Variants in RAD51B observed in about 807,000 individuals in gnomAD.
RAD51B encodes RAD51 paralog B, also known as DNA repair protein RAD51 homolog 2.
Under a neutral mutation model 42.2 loss-of-function variants are expected in RAD51B, and 38 were observed. That is an observed-to-expected ratio of 0.90 (90% CI 0.70 to 1.18). The LOEUF (loss-of-function observed/expected upper bound fraction) is 1.18. Ranked by LOEUF, RAD51B falls within the 50% of genes most tolerant of loss-of-function variation. The pLI is 0.00. For missense variants in RAD51B, 373 were observed against 400.7 expected (o/e 0.93, Z 0.59); for synonymous variants, 154 against 145.2 (o/e 1.06, Z -0.43).
intron 7 of RAD51B, among the ~76,000 whole-genome samples, chr14:67,903,242 C>T (rs897129308): frequency 1.3e-5 from 2 of 152,090 alleles, no homozygotes; most frequent in African/African-American, 4.8e-5. Context: ...TTTATTTGTA[C>T]CAGCATTTTC....
chr14:68,564,980 T>C (rs913876154), intron 10 of RAD51B, among the ~76,000 whole-genome samples: 2 of 152,220 alleles, frequency 1.3e-5, no homozygotes, highest in Non-Finnish European at 2.9e-5. Flanking sequence ...CTCCCCTCAC[T>C]GAGCCAGATT....
intron 10 of RAD51B, among the ~76,000 whole-genome samples, chr14:68,603,086 C>T (rs562935005): frequency 1.9e-4 from 29 of 152,302 alleles, no homozygotes; most frequent in Admixed American, 1.1e-3. Flanking sequence ...GCTGCCCTTA[C>T]GTGTTCCTCT....
At chr14:68,330,646 C>A (rs1380443001) in intron 8 of RAD51B, among the ~76,000 whole-genome samples, 3 of 152,070 alleles carry the variant, frequency 2.0e-5, no homozygotes, top group Admixed American at 6.6e-5. Flanking sequence ...CATAACATGC[C>A]TTTGAAGAAG....
At chr14:68,652,885 G>C (rs1892730491) in intron 11 of RAD51B, among the ~76,000 whole-genome samples, 1 of 152,198 alleles carries the variant, frequency 6.6e-6, no homozygotes, top group African/African-American at 2.4e-5. Flanking sequence ...TCTGCTTTGT[G>C]AGCATAGGGG....
chr14:68,070,595 T>C (rs2076725826), intron 7 of RAD51B, among the ~76,000 whole-genome samples: 1 of 152,136 alleles, frequency 6.6e-6, no homozygotes, highest in South Asian at 2.1e-4. Flanking sequence ...TGTAGGTGTG[T>C]GGATTTATTT....
chr14:68,081,501 G>A (rs998253666), intron 7 of RAD51B, among the ~76,000 whole-genome samples: 4 of 152,134 alleles, frequency 2.6e-5, no homozygotes, highest in Admixed American at 2.0e-4. Context: ...TTTAAGTTTG[G>A]AACCACTTAT....
chr14:68,535,525 T>C (rs908628330), intron 10 of RAD51B, among the ~76,000 whole-genome samples: 2 of 152,104 alleles, frequency 1.3e-5, no homozygotes, highest in Non-Finnish European at 2.9e-5. Flanking sequence ...ACCTAATTTC[T>C]AAGCATGTGA....
intron 7 of RAD51B, among the ~76,000 whole-genome samples, chr14:68,038,609 AT>A (rs2031926278): frequency 1.3e-5 from 2 of 152,318 alleles, no homozygotes; most frequent in Non-Finnish European, 2.9e-5. Flanking sequence ...AACACACAAA[AT>A]TTATCACATT....
At chr14:68,044,084 C>T (rs960235945) in intron 7 of RAD51B, among the ~76,000 whole-genome samples, 4 of 152,190 alleles carry the variant, frequency 2.6e-5, no homozygotes, top group African/African-American at 9.7e-5. Context: ...CTGTCAGCTT[C>T]CTATTGTTTG....
At chr14:68,578,050 C>T (rs935718860) in intron 10 of RAD51B, among the ~76,000 whole-genome samples, 16 of 152,362 alleles carry the variant, frequency 1.1e-4, no homozygotes, top group East Asian at 1.9e-4. Context: ...TTGTCGAACA[C>T]GTTGCTGCCT....
chr14:67,840,721 G>A (rs2041397296), intron 4 of RAD51B, among the ~76,000 whole-genome samples: 1 of 152,012 alleles, frequency 6.6e-6, no homozygotes, highest in African/African-American at 2.4e-5. Context: ...CCTTTGCACA[G>A]TGATTGAACT....
At chr14:68,298,513 T>C (rs1461967828) in intron 8 of RAD51B, among the ~76,000 whole-genome samples, 1 of 152,030 alleles carries the variant, frequency 6.6e-6, no homozygotes, top group East Asian at 1.9e-4. Context: ...TGTGTGGGAG[T>C]TGGGCTAGCT....
intron 9 of RAD51B, among the ~76,000 whole-genome samples, chr14:68,449,713 T>C (rs2140182354): frequency 6.6e-6 from 1 of 152,304 alleles, no homozygotes; most frequent in East Asian, 1.9e-4. Context: ...TTTGTTTTGT[T>C]TCCATTCTCT....
At chr14:68,333,851 C>A (rs1259068797) in intron 8 of RAD51B, among the ~76,000 whole-genome samples, 1 of 152,146 alleles carries the variant, frequency 6.6e-6, no homozygotes, top group Non-Finnish European at 1.5e-5. Context: ...AGACACCTTG[C>A]TCTTTCATAG....
At chr14:68,507,138 T>C (rs1361716904) in intron 10 of RAD51B, among the ~76,000 whole-genome samples, 1 of 152,126 alleles carries the variant, frequency 6.6e-6, no homozygotes, top group Admixed American at 6.5e-5. Context: ...ATGAAATCAA[T>C]TTTCAATATT....
chr14:68,472,586 T>C (rs1195707039), intron 10 of RAD51B, among the ~76,000 whole-genome samples: 4 of 152,228 alleles, frequency 2.6e-5, no homozygotes, highest in African/African-American at 9.6e-5. Flanking sequence ...GGACAGAAGA[T>C]AGTGGCTTAG....
intron 11 of RAD51B, among the ~76,000 whole-genome samples, chr14:68,658,544 C>T (rs554874893): frequency 1.0e-3 from 158 of 152,292 alleles, no homozygotes; most frequent in Middle Eastern, 6.8e-3. Flanking sequence ...CTCATCTGCA[C>T]CAAGTGTAAT....
intron 7 of RAD51B, among the ~76,000 whole-genome samples, chr14:68,221,086 C>T (rs946162307): frequency 3.3e-5 from 5 of 152,114 alleles, no homozygotes; most frequent in African/African-American, 1.2e-4. Flanking sequence ...AGAGATCACG[C>T]CACTGCACTC....
chr14:67,913,987 A>ATTT lies in RAD51B; in HGVS notation c.756+26794_756+26796dup, dbSNP rs553886634. The stretch of plus-strand genomic sequence containing the variant: ...TTTACTCTTTATCTCCATGAGTTCA[A>ATTT]TTTTTTTTTTTTTGAGATGGGGCCT... On this transcript the variant is annotated intron_variant, in intron 7 of 10. Coordinates refer to ENST00000471583, the MANE Select transcript of RAD51B (RefSeq NM_133510.4). Among the ~76,000 whole-genome samples, 257 of 145,078 alleles carry ATTT rather than the reference A, an allele frequency of 1.8e-3. 1 individual carries two copies. The highest frequency in any genetic ancestry group is 6.2e-3 in the African/African-American group (247 of 39,586).
Sources: allele counts gnomAD v4.1 joint callset (sites outside exome capture counted in the v4.1 genomes callset), GRCh38; gene constraint gnomAD v4.1.1; transcripts MANE v1.5; gene names NCBI Gene and HGNC (gene_info 2026-07-23, HGNC 2026-07-21).